MGAT4C: variants seen among roughly 807,000 people sequenced by gnomAD.
The protein encoded by MGAT4C is MGAT4 family member C.
A neutral mutation model predicts 40.1 loss-of-function variants in MGAT4C; 19 were observed. The observed-to-expected ratio is 0.47, with a 90% CI of 0.33 to 0.70. The LOEUF is 0.70. MGAT4C is among the 30% of genes least tolerant of loss of function. MGAT4C has a pLI of 0.02. For synonymous variants in MGAT4C, 181 were observed against 187.1 expected (o/e 0.97, Z 0.27); for missense variants, 491 against 563.2 (o/e 0.87, Z 1.30).
chr12:86,381,435 G>T (rs1955926839), intron 3 of MGAT4C, among the ~76,000 whole-genome samples: 1 of 152,134 alleles, frequency 6.6e-6, no homozygotes, highest in South Asian at 2.1e-4. Context: ...AAGTCCTAGA[G>T]TCCAAAGGCC....
At chr12:86,342,686 A>G (rs955101108) in intron 3 of MGAT4C, among the ~76,000 whole-genome samples, 2 of 151,860 alleles carry the variant, frequency 1.3e-5, no homozygotes, top group Non-Finnish European at 2.9e-5. Flanking sequence ...TGATCCGCCC[A>G]CCTCGGCCTC....
chr12:86,442,477 G>T lies in MGAT4C; in HGVS notation c.-228-7212C>A, dbSNP rs944009694. Among the ~76,000 whole-genome samples, 4 of 152,038 alleles carry T rather than the reference G, an allele frequency of 2.6e-5. No homozygotes were observed. The East Asian group carries it at 5.8e-4, about 22-fold the overall frequency. Reference sequence around the variant, plus strand: ...TTTTTCTAGGGTTTTTATGGTTTTAGGTCTAACATTTAAGTGTTTAATCCA... The same window carrying T: ...TTTTTCTAGGGTTTTTATGGTTTTATGTCTAACATTTAAGTGTTTAATCCA... On this transcript the variant is annotated intron_variant, in intron 2 of 7. Transcript: ENST00000548651.
chr12:85,998,634 C>T (rs1350656198), intron 2 of MGAT4C, among the ~76,000 whole-genome samples: 2 of 152,140 alleles, frequency 1.3e-5, no homozygotes, highest in Non-Finnish European at 2.9e-5. Context: ...GGATAAAATG[C>T]TGCCAGTCTC....
chr12:86,201,280 C>A (rs1184186014), intron 1 of MGAT4C, among the ~76,000 whole-genome samples: 1 of 151,908 alleles, frequency 6.6e-6, no homozygotes, highest in Non-Finnish European at 1.5e-5. Context: ...ACGATCACAG[C>A]AACTTTGTTG....
At chr12:86,131,568 A>T (rs963990977) in intron 1 of MGAT4C, among the ~76,000 whole-genome samples, 2 of 152,098 alleles carry the variant, frequency 1.3e-5, no homozygotes, top group East Asian at 3.8e-4. Flanking sequence ...TTCAATAGAC[A>T]TTATTTTTCA....
intron 1 of MGAT4C, among the ~76,000 whole-genome samples, chr12:86,186,606 A>G (rs1357395303): frequency 6.6e-6 from 1 of 152,134 alleles, no homozygotes; most frequent in East Asian, 1.9e-4. Context: ...AGTGAGGAGC[A>G]CTCATCTTTA....
intron 1 of MGAT4C, among the ~76,000 whole-genome samples, chr12:86,775,392 T>C (rs1044436253): frequency 2.0e-5 from 3 of 150,916 alleles, no homozygotes; most frequent in East Asian, 3.9e-4. Flanking sequence ...ATATATGATG[T>C]ATGATCTAAT....
intron 2 of MGAT4C, among the ~76,000 whole-genome samples, chr12:86,464,861 T>C (rs1204545218): frequency 6.6e-6 from 1 of 152,122 alleles, no homozygotes; most frequent in Admixed American, 6.6e-5. Flanking sequence ...GTATGACTTC[T>C]ATGTAAGAGT....
At chr12:86,668,901 C>T (rs575192012) in intron 2 of MGAT4C, among the ~76,000 whole-genome samples, 1 of 151,894 alleles carries the variant, frequency 6.6e-6, no homozygotes, top group East Asian at 2.0e-4. Flanking sequence ...CTCTCTGCTC[C>T]ACCCCCAGAC....
chr12:86,722,003 C>T (rs1217326987), intron 2 of MGAT4C, among the ~76,000 whole-genome samples: 2 of 151,754 alleles, frequency 1.3e-5, no homozygotes, highest in Non-Finnish European at 2.9e-5. Flanking sequence ...GCTAAATCAC[C>T]CCATATGTCA....
intron 3 of MGAT4C, among the ~76,000 whole-genome samples, chr12:86,375,481 TC>T (rs1044763766): frequency 6.6e-6 from 1 of 152,116 alleles, no homozygotes; most frequent in Non-Finnish European, 1.5e-5. Context: ...TATTTTTTTT[TC>T]TTTATAGTTA....
At chr12:86,612,828 A>G (rs1019669634) in intron 2 of MGAT4C, among the ~76,000 whole-genome samples, 1 of 152,094 alleles carries the variant, frequency 6.6e-6, no homozygotes, top group African/African-American at 2.4e-5. Flanking sequence ...TTCATTGTAA[A>G]ATAAATTATT....
intron 3 of MGAT4C, among the ~76,000 whole-genome samples, chr12:86,432,750 C>T (rs760693935): frequency 2.0e-5 from 3 of 151,940 alleles, no homozygotes; most frequent in Non-Finnish European, 2.9e-5. Flanking sequence ...AACTTTTCTA[C>T]AAAATATCTC....
intron 3 of MGAT4C, among the ~76,000 whole-genome samples, chr12:86,351,751 T>C (rs1483017329): frequency 2.0e-5 from 3 of 152,088 alleles, no homozygotes; most frequent in African/African-American, 7.2e-5. Context: ...AATTATTGCA[T>C]ACCATCTTAA....
At chr12:86,561,677 GT>G (rs1959869291) in intron 2 of MGAT4C, among the ~76,000 whole-genome samples, 1 of 152,096 alleles carries the variant, frequency 6.6e-6, no homozygotes, top group African/African-American at 2.4e-5. Context: ...CAGATTGTAG[GT>G]GGCCTATTGT....
At chr12:86,026,093 T>A (rs1410411108) in intron 2 of MGAT4C, among the ~76,000 whole-genome samples, 1 of 151,864 alleles carries the variant, frequency 6.6e-6, no homozygotes, top group Non-Finnish European at 1.5e-5. Context: ...ACACCGAAAT[T>A]TTTAAAAATA....
At chr12:86,685,145 C>T (rs1254456133) in intron 2 of MGAT4C, among the ~76,000 whole-genome samples, 2 of 152,036 alleles carry the variant, frequency 1.3e-5, no homozygotes, top group Non-Finnish European at 2.9e-5. Flanking sequence ...CCTAGGTTTT[C>T]TTCTGTGGTT....
At chr12:86,123,069 T>C (rs1879679821) in intron 1 of MGAT4C, among the ~76,000 whole-genome samples, 1 of 152,182 alleles carries the variant, frequency 6.6e-6, no homozygotes, top group South Asian at 2.1e-4. Context: ...AATGAACTTC[T>C]ACTCTGTGCT....
intron 3 of MGAT4C, among the ~76,000 whole-genome samples, chr12:86,347,226 A>T (rs558942814): frequency 6.6e-6 from 1 of 152,234 alleles, no homozygotes; most frequent in Non-Finnish European, 1.5e-5. Flanking sequence ...CTCTAGACAA[A>T]CCTGACTACT....
Sources: allele counts gnomAD v4.1 joint callset (sites outside exome capture counted in the v4.1 genomes callset), GRCh38; gene constraint gnomAD v4.1.1; transcripts MANE v1.5; gene names NCBI Gene and HGNC (gene_info 2026-07-23, HGNC 2026-07-21).